Variants in FAM13B observed in about 807,000 individuals in gnomAD.
FAM13B encodes protein FAM13B.
FAM13B carries 60 observed loss-of-function variants against 117.3 expected under a neutral mutation model. That is an observed-to-expected ratio of 0.51 (90% CI 0.42 to 0.63). The LOEUF is 0.63. FAM13B is among the 30% of genes least tolerant of loss of function. The probability of loss-of-function intolerance (pLI) is 0.00; values close to 1 mark genes in which losing one functional copy is unlikely to be tolerated. For missense variants in FAM13B, 972 were observed against 1,091.9 expected (o/e 0.89, Z 1.55); for synonymous variants, 332 against 356.1 (o/e 0.93, Z 0.76).
intron 10 of FAM13B, among the ~76,000 whole-genome samples, chr5:137,974,901 A>C (rs543122365): frequency 7.1e-4 from 108 of 152,304 alleles, no homozygotes; most frequent in Non-Finnish European, 1.4e-3. Flanking sequence ...AGGGAGAATC[A>C]AAAGAATAAT....
chr5:137,954,384 A>G lies in FAM13B; in HGVS notation c.1508-8T>C. Reference sequence around the variant, plus strand: ...TAAAAGCAGGAAATGGCTCTATAAAACAAACACAAAGAATAGTACCATGGG... The same window carrying G: ...TAAAAGCAGGAAATGGCTCTATAAAGCAAACACAAAGAATAGTACCATGGG... On this transcript the variant is annotated splice_polypyrimidine_tract_variant and splice_region_variant and intron_variant, in intron 14 of 23. Transcript: ENST00000689681. The G allele has an allele frequency of 6.2e-7, 1 of 1,609,616 alleles. No individual in the cohort carries two copies. The highest frequency in any genetic ancestry group is 8.5e-7 in the Non-Finnish European group (1 of 1,177,440).
At chr5:137,947,725 CA>C (rs1395368794) in intron 18 of FAM13B, among the ~76,000 whole-genome samples, 1 of 152,076 alleles carries the variant, frequency 6.6e-6, no homozygotes, top group Non-Finnish European at 1.5e-5. Context: ...GGATTACAGG[CA>C]TGTGCCACCA....
intron 18 of FAM13B, among the ~76,000 whole-genome samples, chr5:137,948,182 A>C (rs1177998756): frequency 2.4e-4 from 1 of 4,120 alleles, no homozygotes; most frequent in Non-Finnish European, 7.8e-4. Flanking sequence ...TGGCTCTTCA[A>C]AAAAAAAAAA....
At chr5:138,012,010 G>T (rs1334247211) in intron 4 of FAM13B, 65 bp from the exon 5 acceptor site, 3 of 1,155,446 alleles carry the variant, frequency 2.6e-6, no homozygotes, top group Admixed American at 5.3e-5. Context: ...TATTTTGCCA[G>T]GTTCACATTA....
chr5:137,968,178 C>T lies in FAM13B; in HGVS notation c.1180-5709G>A, dbSNP rs566067827. 2.0e-5 allele frequency among the ~76,000 whole-genome samples: 3 copies of T among 146,856 alleles called. No homozygotes were observed. The South Asian group carries it at 6.5e-4, about 32-fold the overall frequency. On this transcript the variant is annotated intron_variant, in intron 10 of 23. Coordinates refer to ENST00000689681, the MANE Select transcript of FAM13B (RefSeq NM_001385994.1). ...CAGAGGTTGCAGTGAGCTGAGATCACGCCATTGCACTCCAATCTGGGCGAC... is the reference window on the plus strand; with the variant it reads ...CAGAGGTTGCAGTGAGCTGAGATCATGCCATTGCACTCCAATCTGGGCGAC...
At chr5:138,038,248 TGTAA>T (rs1251310472) in intron 1 of FAM13B, among the ~76,000 whole-genome samples, 2 of 152,188 alleles carry the variant, frequency 1.3e-5, no homozygotes, top group East Asian at 3.8e-4. Context: ...TTCTGAGCCT[TGTAA>T]GTTACAGTAA....
At chr5:138,008,827 TG>T (rs1366798463) in intron 6 of FAM13B, among the ~76,000 whole-genome samples, 3 of 152,188 alleles carry the variant, frequency 2.0e-5, no homozygotes, top group Admixed American at 1.3e-4. Context: ...ACTAGTCAGA[TG>T]GGTCACTAAA....
intron 10 of FAM13B, among the ~76,000 whole-genome samples, chr5:137,964,182 C>A (rs189989443): frequency 1.3e-5 from 2 of 152,110 alleles, no homozygotes; most frequent in African/African-American, 4.8e-5. Flanking sequence ...CTCAGCCTCC[C>A]GAGTAGCTGG....
intron 1 of FAM13B, among the ~76,000 whole-genome samples, chr5:138,032,396 G>A (rs1243696436): frequency 1.3e-5 from 2 of 152,206 alleles, no homozygotes; most frequent in African/African-American, 4.8e-5. Flanking sequence ...CAACTTCACT[G>A]CCCAGCATGA....
chr5:137,966,582 A>G (rs1283524076), intron 10 of FAM13B, among the ~76,000 whole-genome samples: 1 of 150,670 alleles, frequency 6.6e-6, no homozygotes, highest in Non-Finnish European at 1.5e-5. Flanking sequence ...CAATTTAAAA[A>G]CGGGCAAAAG....
chr5:138,015,290 C>T (rs1489117338), intron 4 of FAM13B, among the ~76,000 whole-genome samples: 4 of 152,204 alleles, frequency 2.6e-5, no homozygotes, highest in African/African-American at 9.6e-5. Flanking sequence ...CCAGCTACCA[C>T]AGAAAAATGA....
chr5:138,026,628 C>CA (rs56195021), intron 1 of FAM13B, among the ~76,000 whole-genome samples: 1,075 of 29,396 alleles, frequency 0.037, 123 homozygotes, highest in African/African-American at 0.082. Flanking sequence ...GACCGTGTCT[C>CA]AAAAAAAAAA....
intron 4 of FAM13B, among the ~76,000 whole-genome samples, chr5:138,013,713 T>G (rs1405440421): frequency 1.3e-5 from 2 of 152,136 alleles, no homozygotes; most frequent in Non-Finnish European, 2.9e-5. Flanking sequence ...ATGAGAAATT[T>G]TAACAACCTA....
At chr5:137,944,956 G>T (rs1279380056) in intron 20 of FAM13B, among the ~76,000 whole-genome samples, 2 of 150,820 alleles carry the variant, frequency 1.3e-5, no homozygotes, top group East Asian at 2.0e-4. Flanking sequence ...ACTAGAGGGG[G>T]AAGGGAGGGA....
chr5:137,964,060 T>C (rs1276473409), intron 10 of FAM13B, among the ~76,000 whole-genome samples: 3 of 152,108 alleles, frequency 2.0e-5, no homozygotes, highest in African/African-American at 7.2e-5. Flanking sequence ...AATTTTTATT[T>C]ATTTACTTAA....
At chr5:137,977,397 C>T (rs1244377618) in intron 10 of FAM13B, among the ~76,000 whole-genome samples, 1 of 152,176 alleles carries the variant, frequency 6.6e-6, no homozygotes, top group Non-Finnish European at 1.5e-5. Flanking sequence ...CTGTGACCCA[C>T]ACCCTATTCA....
intron 10 of FAM13B, among the ~76,000 whole-genome samples, chr5:137,979,363 T>C (rs1378460670): frequency 2.0e-5 from 3 of 152,162 alleles, no homozygotes; most frequent in Admixed American, 6.5e-5. Context: ...GCCTACTGAT[T>C]GTTGTTGTCC....
intron 7 of FAM13B, among the ~76,000 whole-genome samples, chr5:138,000,125 CTAAA>C (rs1780843595): frequency 6.6e-6 from 1 of 152,134 alleles, no homozygotes; most frequent in Admixed American, 6.6e-5. Context: ...CTTTAAAACA[CTAAA>C]TAAGGCCCAG....
At chr5:138,039,501 T>TTA (rs1480954865) in intron 1 of FAM13B, 6 of 152,242 alleles carry the variant, frequency 3.9e-5, no homozygotes, top group African/African-American at 1.4e-4. Flanking sequence ...AGTGGCCCAA[T>TTA]TATAGCTCAC....
Sources: allele counts gnomAD v4.1 joint callset (sites outside exome capture counted in the v4.1 genomes callset), GRCh38; gene constraint gnomAD v4.1.1; transcripts MANE v1.5; gene names NCBI Gene and HGNC (gene_info 2026-07-23, HGNC 2026-07-21).